CSMD1: variants seen among roughly 807,000 people sequenced by gnomAD.
The protein encoded by CSMD1 is CUB and Sushi multiple domains 1.
CSMD1 carries 213 observed loss-of-function variants against 417.5 expected under a neutral mutation model. That is an observed-to-expected ratio of 0.51 (90% CI 0.46 to 0.57). The LOEUF (loss-of-function observed/expected upper bound fraction) is 0.57. CSMD1 is among the 20% of genes least tolerant of loss of function. CSMD1 has a pLI of 0.00. For missense variants in CSMD1, 6,923 were observed against 4,529.7 expected, an observed-to-expected ratio of 1.53 and a Z score of -15.17; for synonymous variants, 2,862 against 1,736.8, an observed-to-expected ratio of 1.65 and a Z score of -16.11.
At chr8:4,678,811 G>T (rs1009404981) in intron 1 of CSMD1, among the ~76,000 whole-genome samples, 4 of 152,198 alleles carry the variant, frequency 2.6e-5, no homozygotes, top group Non-Finnish European at 5.9e-5. Context: ...CCTGTATGTA[G>T]CAAGGGTGTG....
intron 3 of CSMD1, among the ~76,000 whole-genome samples, chr8:4,090,463 T>G (rs1800658668): frequency 6.6e-6 from 1 of 152,170 alleles, no homozygotes; most frequent in African/African-American, 2.4e-5. Context: ...ATGGGAAGGT[T>G]TTAAAATAAA....
chr8:4,981,884 C>T (rs1245181869), intron 1 of CSMD1, among the ~76,000 whole-genome samples: 1 of 152,132 alleles, frequency 6.6e-6, no homozygotes, highest in Non-Finnish European at 1.5e-5. Flanking sequence ...GTCTCCCTCT[C>T]ACCCTCTCTC....
intron 49 of CSMD1, among the ~76,000 whole-genome samples, chr8:3,086,310 G>C (rs1391868501): frequency 2.0e-5 from 3 of 152,014 alleles, no homozygotes; most frequent in Non-Finnish European, 4.4e-5. Context: ...ATACAGTAGA[G>C]GTAAAACATA....
Position 4,738,416 on chromosome 8 carries a change from C to G in CSMD1, c.86-100858G>C, listed in dbSNP as rs567052019. 3.3e-5 allele frequency among the ~76,000 whole-genome samples: 5 copies of G among 152,194 alleles called. No individual in the cohort carries two copies. The South Asian group carries it at 1.0e-3, about 32-fold the overall frequency. ...TCAAATGGTGGCAGAAGGAGAAGGG[C>G]TGAGCGAAGGGGGAAAAGCCCCTTA... On this transcript the variant is annotated intron_variant, in intron 1 of 69. Coordinates refer to ENST00000635120, the MANE Select transcript of CSMD1 (RefSeq NM_033225.6).
At chr8:4,527,933 G>A (rs779007767) in intron 2 of CSMD1, among the ~76,000 whole-genome samples, 1 of 152,166 alleles carries the variant, frequency 6.6e-6, no homozygotes, top group African/African-American at 2.4e-5. Flanking sequence ...TCCTGAGGGT[G>A]TGCTGACTGG....
At chr8:4,925,917 C>T (rs928815499) in intron 1 of CSMD1, among the ~76,000 whole-genome samples, 7 of 152,136 alleles carry the variant, frequency 4.6e-5, no homozygotes, top group African/African-American at 1.7e-4. Context: ...TCTTTTATTT[C>T]CCTGGTCATT....
intron 2 of CSMD1, among the ~76,000 whole-genome samples, chr8:4,441,095 G>GATTTTTTTT (rs1798443526): frequency 1.9e-5 from 1 of 51,296 alleles, no homozygotes; most frequent in African/African-American, 6.7e-5. Context: ...TAATCAAAAG[G>GATTTTTTTT]TTTTTTTTTT....
chr8:4,361,353 T>C (rs1174082394), intron 3 of CSMD1, among the ~76,000 whole-genome samples: 1 of 151,162 alleles, frequency 6.6e-6, no homozygotes, highest in African/African-American at 2.5e-5. Flanking sequence ...TGCAGTCATC[T>C]GTGATTTTTA....
intron 2 of CSMD1, among the ~76,000 whole-genome samples, chr8:4,440,259 A>G (rs747585364): frequency 9.9e-5 from 15 of 152,182 alleles, no homozygotes; most frequent in Non-Finnish European, 4.4e-5. Context: ...TATTGTATAT[A>G]TTTATAAGAT....
chr8:4,709,052 T>C (rs1160105024), intron 1 of CSMD1, among the ~76,000 whole-genome samples: 1 of 152,174 alleles, frequency 6.6e-6, no homozygotes, highest in East Asian at 1.9e-4. Context: ...TCTATGGTAC[T>C]TTGTTATGGG....
At chr8:3,735,638 G>T (rs1252063384) in intron 6 of CSMD1, among the ~76,000 whole-genome samples, 2 of 152,054 alleles carry the variant, frequency 1.3e-5, no homozygotes, top group African/African-American at 4.8e-5. Flanking sequence ...GAATCTCTTG[G>T]TGCCCTGGTT....
intron 5 of CSMD1, among the ~76,000 whole-genome samples, chr8:3,850,085 T>C (rs1197610632): frequency 6.6e-6 from 1 of 152,238 alleles, no homozygotes; most frequent in Non-Finnish European, 1.5e-5. Context: ...CATGAGCCAC[T>C]GCACCCAGCA....
At chr8:4,648,432 C>T (rs1803676029) in intron 1 of CSMD1, among the ~76,000 whole-genome samples, 1 of 152,086 alleles carries the variant, frequency 6.6e-6, no homozygotes, top group Non-Finnish European at 1.5e-5. Context: ...GGGCTCAGTC[C>T]ACACCACAAG....
chr8:4,981,874 G>A (rs920207186), intron 1 of CSMD1, among the ~76,000 whole-genome samples: 2 of 152,118 alleles, frequency 1.3e-5, no homozygotes, highest in Non-Finnish European at 2.9e-5. Context: ...CAACTGTGGA[G>A]TCTCCCTCTC....
At chr8:4,358,511 C>T (rs750783703) in intron 3 of CSMD1, among the ~76,000 whole-genome samples, 2 of 152,174 alleles carry the variant, frequency 1.3e-5, no homozygotes, top group Non-Finnish European at 2.9e-5. Flanking sequence ...GCGATACCAG[C>T]AGAGCTCCGC....
chr8:4,268,752 A>G, intron 3 of CSMD1, among the ~76,000 whole-genome samples: 1 of 134,354 alleles, frequency 7.4e-6, no homozygotes, highest in East Asian at 2.0e-4. Context: ...TTAAATTGCT[A>G]AAAAAAAAAC....
intron 3 of CSMD1, among the ~76,000 whole-genome samples, chr8:4,224,148 C>T (rs545164821): frequency 6.6e-5 from 10 of 152,180 alleles, no homozygotes; most frequent in East Asian, 3.9e-4. Context: ...AACTTTGTTT[C>T]GCTTACTACA....
intron 3 of CSMD1, among the ~76,000 whole-genome samples, chr8:4,313,731 C>G (rs147119013): frequency 6.6e-6 from 1 of 152,142 alleles, no homozygotes; most frequent in East Asian, 1.9e-4. Flanking sequence ...AAAAGCAGAA[C>G]TAGGCCGGGC....
At chr8:4,068,861 C>G (rs1799396837) in intron 3 of CSMD1, among the ~76,000 whole-genome samples, 1 of 152,102 alleles carries the variant, frequency 6.6e-6, no homozygotes, top group Admixed American at 6.5e-5. Flanking sequence ...GCTCCACCAT[C>G]TAGTTAGGCA....
Sources: allele counts gnomAD v4.1 joint callset (sites outside exome capture counted in the v4.1 genomes callset), GRCh38; gene constraint gnomAD v4.1.1; transcripts MANE v1.5; gene names NCBI Gene and HGNC (gene_info 2026-07-23, HGNC 2026-07-21).